The following ARID5B variants were observed in gnomAD, a reference collection of about 807,000 sequenced individuals.
ARID5B encodes the protein AT-rich interaction domain 5B.
ARID5B carries 13 observed loss-of-function variants against 97.2 expected under a neutral mutation model. The ratio of observed to expected loss-of-function variants is 0.13; its 90% CI spans 0.09 to 0.21. The LOEUF (loss-of-function observed/expected upper bound fraction) is 0.21, where lower values mean the gene tolerates loss of function less well. ARID5B is among the 10% of genes least tolerant of loss of function. The probability of loss-of-function intolerance (pLI) is 1.00; values close to 1 mark genes in which losing one functional copy is unlikely to be tolerated. For missense variants in ARID5B, 1,210 were observed against 1,465.3 expected, an observed-to-expected ratio of 0.83 and a Z score of 2.84; for synonymous variants, 556 against 570.3, an observed-to-expected ratio of 0.97 and a Z score of 0.36.
chr10:62,043,978 G>A (rs946446864), intron 4 of ARID5B, among the ~76,000 whole-genome samples: 1 of 151,794 alleles, frequency 6.6e-6, no homozygotes, highest in African/African-American at 2.4e-5. Context: ...GACTCTTGGG[G>A]CTCTCAATGA....
At chr10:62,043,062 A>G (rs1361218200) in intron 4 of ARID5B, among the ~76,000 whole-genome samples, 1 of 152,138 alleles carries the variant, frequency 6.6e-6, no homozygotes, top group African/African-American at 2.4e-5. Context: ...AGGCTCTTGC[A>G]CAGCAGCCAT....
chr10:61,986,158 G>A (rs563138854), intron 3 of ARID5B, among the ~76,000 whole-genome samples: 79 of 152,166 alleles, frequency 5.2e-4, no homozygotes, highest in African/African-American at 1.5e-3. Context: ...TGAGAACAGT[G>A]TGAGATTTAA....
chr10:62,088,649 C>G (rs1840324041), intron 9 of ARID5B, among the ~76,000 whole-genome samples: 1 of 152,226 alleles, frequency 6.6e-6, no homozygotes, highest in African/African-American at 2.4e-5. Context: ...CCACCCTCTC[C>G]AAGGTTGACC....
At chr10:61,907,870 A>G (rs1843732463) in intron 2 of ARID5B, among the ~76,000 whole-genome samples, 1 of 152,268 alleles carries the variant, frequency 6.6e-6, no homozygotes. Flanking sequence ...GATCGCTGAC[A>G]AAGTAGAAAT....
At chr10:61,999,964 C>T in intron 3 of ARID5B, 127 bp from the exon 4 acceptor site, 1 of 938,380 alleles carries the variant, frequency 1.1e-6, no homozygotes, top group Non-Finnish European at 1.6e-6. Context: ...TGGCATCCCC[C>T]AGACTGTAAC....
intron 4 of ARID5B, among the ~76,000 whole-genome samples, chr10:62,006,746 T>G (rs1323698209): frequency 6.6e-6 from 1 of 152,200 alleles, no homozygotes; most frequent in African/African-American, 2.4e-5. Context: ...AAAAGAATTT[T>G]GTGTGTTGCT....
intron 4 of ARID5B, among the ~76,000 whole-genome samples, chr10:62,017,438 C>T (rs1391759942): frequency 1.3e-5 from 2 of 150,234 alleles, no homozygotes; most frequent in Admixed American, 6.6e-5. Flanking sequence ...GGCAACAGAG[C>T]GAGACCCCGT....
chr10:61,993,666 G>A (rs1371893347), intron 3 of ARID5B, among the ~76,000 whole-genome samples: 1 of 152,140 alleles, frequency 6.6e-6, no homozygotes, highest in Admixed American at 6.5e-5. Flanking sequence ...CAGAAAATAG[G>A]AAATGCCTAA....
intron 8 of ARID5B, among the ~76,000 whole-genome samples, chr10:62,074,288 A>G (rs1840100161): frequency 6.6e-6 from 1 of 152,230 alleles, no homozygotes; most frequent in Non-Finnish European, 1.5e-5. Flanking sequence ...GAAATTAGCA[A>G]CTATTCTTCA....
rs143284894 is a variant in ARID5B, at chr10:62,003,744, C to T, written c.733+3423C>T. 5.5e-3 allele frequency among the ~76,000 whole-genome samples: 838 copies of T among 152,188 alleles called. 11 individuals carry two copies. The highest frequency in any genetic ancestry group is 0.019 in the African/African-American group (794 of 41,504). ...ATGAGTCTGAGTTTTCTCTGTGTGC[C>T]GTGGAGCTTACCTGCATTCCCTGGA... On this transcript the variant is annotated intron_variant, in intron 4 of 9. Transcript: ENST00000279873.
chr10:61,908,191 T>C (rs925825749), intron 2 of ARID5B, among the ~76,000 whole-genome samples: 14 of 152,226 alleles, frequency 9.2e-5, no homozygotes, highest in Admixed American at 9.2e-4. Flanking sequence ...GTATTGTCTA[T>C]TTTGAGTTAA....
intron 8 of ARID5B, among the ~76,000 whole-genome samples, chr10:62,080,874 G>A (rs1589289368): frequency 6.6e-6 from 1 of 151,946 alleles, no homozygotes; most frequent in Admixed American, 6.6e-5. Flanking sequence ...CCAGGCTGGA[G>A]TGCAGTGGCA....
chr10:61,991,038 C>T (rs995566091), intron 3 of ARID5B, among the ~76,000 whole-genome samples: 1 of 29,488 alleles, frequency 3.4e-5, no homozygotes, highest in African/African-American at 1.3e-4. Context: ...AATATTTATC[C>T]TGTACACACA....
chr10:62,009,102 C>G (rs1839183554), intron 4 of ARID5B, among the ~76,000 whole-genome samples: 1 of 152,194 alleles, frequency 6.6e-6, no homozygotes, highest in Non-Finnish European at 1.5e-5. Context: ...GCTCTTGGCA[C>G]AAGAGCCAGC....
chr10:62,025,692 T>G (rs1839411323), intron 4 of ARID5B, among the ~76,000 whole-genome samples: 1 of 152,084 alleles, frequency 6.6e-6, no homozygotes, highest in South Asian at 2.1e-4. Flanking sequence ...CACTGCATGT[T>G]GAGAAGTATA....
At position 61,930,218 on chromosome 10, in the gene ARID5B, T is replaced by C. The variant is rs189794112; in HGVS notation, c.277-9965T>C. On this transcript the variant is annotated intron_variant, in intron 2 of 9. Coordinates refer to ENST00000279873, the MANE Select transcript of ARID5B (RefSeq NM_032199.3). ...GGAATGAGGAAGAAGAGAAATTGAA[T>C]AAAGCAAAGAAATGTAGAGGTGATA... Among the ~76,000 whole-genome samples, 459 of 152,316 alleles carry C rather than the reference T, an allele frequency of 3.0e-3. 3 individuals are homozygous for C. Among genetic ancestry groups the C allele is most frequent in the African/African-American group, 0.01 (422 of 41,576 alleles).
Position 62,091,168 on chromosome 10 carries a change from G to T in ARID5B, c.1705G>T (p.Ala569Ser), listed in dbSNP as rs1840364925. Reference protein sequence around the residue: ...ASKQPLTSPSALVDSKQESKL... With the variant: ...ASKQPLTSPSSLVDSKQESKL... Reference sequence around the variant, plus strand: ...CAAACAGCCACTCACCTCTCCTAGTGCCCTGGTGGACTCAAAACAAGAATC... The same window carrying T: ...CAAACAGCCACTCACCTCTCCTAGTTCCCTGGTGGACTCAAAACAAGAATC... The change falls in exon 10 of 10, where the codon GCC becomes TCC. Residue 569 changes from alanine (A) to serine (S), a missense_variant. Around this residue, in one of 8 missense-constraint regions of ARID5B, gnomAD observed 800 missense variants for 839.1 expected, o/e 0.95. Transcript: ENST00000279873. The T allele has an allele frequency of 6.2e-7, 1 of 1,613,982 alleles. No homozygotes were observed. Among genetic ancestry groups the T allele is most frequent in the Admixed American group, 1.7e-5 (1 of 59,996 alleles).
intron 3 of ARID5B, among the ~76,000 whole-genome samples, chr10:61,971,829 T>G (rs1187342841): frequency 6.6e-6 from 1 of 152,230 alleles, no homozygotes; most frequent in Non-Finnish European, 1.5e-5. Context: ...ATCATTATTT[T>G]TAATTGAATA....
Position 62,002,585 on chromosome 10 carries a change from G to A in ARID5B, c.733+2264G>A, listed in dbSNP as rs73274362. Among the ~76,000 whole-genome samples, 1,135 of 152,096 alleles carry A rather than the reference G, an allele frequency of 7.5e-3. 15 individuals carry two copies. The highest frequency in any genetic ancestry group is 0.026 in the African/African-American group (1,086 of 41,484). ...CATCCCTCCCCACCGTCCCACTTTC[G>A]GTCACAACCTAAATTTCCAAAGAGC... is the stretch of plus-strand genomic sequence containing the variant. On this transcript the variant is annotated intron_variant, in intron 4 of 9. Transcript: ENST00000279873.
Sources: gnomAD v4.1 joint callset for allele counts (sites outside exome capture counted in the v4.1 genomes callset) on GRCh38, gnomAD v4.1.1 for gene constraint, gnomAD v4.1.1 regional missense constraint, MANE v1.5 for transcripts, NCBI Gene and HGNC (gene_info 2026-07-23, HGNC 2026-07-21) for gene names.